The following TMEM216 variants were observed in gnomAD, a reference collection of about 807,000 sequenced individuals.
TMEM216 encodes the protein transmembrane protein 216.
TMEM216 carries 15 observed loss-of-function variants against 17.8 expected under a neutral mutation model. The observed-to-expected ratio is 0.84, with a 90% CI of 0.56 to 1.30. The LOEUF is 1.30. Among genes scored for constraint, TMEM216 ranks in the 50% most tolerant of loss-of-function variants. The probability of loss-of-function intolerance (pLI) is 0.00; values close to 1 mark genes in which losing one functional copy is unlikely to be tolerated. For synonymous variants in TMEM216, 58 were observed against 73.5 expected (o/e 0.79, Z 1.08); for missense variants, 160 against 175.7 (o/e 0.91, Z 0.51).
chr11:61,393,090 T>G, intron 1 of TMEM216, 141 bp from the exon 2 acceptor site: 3 of 431,522 alleles, frequency 7.0e-6, no homozygotes, highest in Non-Finnish European at 3.7e-6. Flanking sequence ...CGCCCCCTCA[T>G]TATCAGCAAC....
Position 61,398,279 on chromosome 11 carries a change from T to A in TMEM216, c.*3T>A, listed in dbSNP as rs749369337. 1.9e-6 allele frequency: 3 copies of A among 1,611,804 alleles called. No individual in the cohort carries two copies. Among genetic ancestry groups the A allele is most frequent in the Non-Finnish European group, 2.5e-6 (3 of 1,178,668 alleles). On this transcript the variant is annotated 3_prime_UTR_variant, in exon 5 of 5. Transcript: ENST00000515837. The stretch of plus-strand genomic sequence containing the variant: ...GCCATCGTATGGACAGGATTTGAAG[T>A]ACAGAATTTCAGCCAGCAGCCCATC...
chr11:61,396,665 G>A (rs1858804850), intron 3 of TMEM216, among the ~76,000 whole-genome samples: 1 of 151,556 alleles, frequency 6.6e-6, no homozygotes, highest in African/African-American at 2.4e-5. Context: ...ATGGTGGCGG[G>A]CACCTGTAAT....
intron 1 of TMEM216, 93 bp from the exon 2 acceptor site, chr11:61,393,138 G>T: frequency 1.0e-6 from 1 of 962,928 alleles, no homozygotes; most frequent in South Asian, 1.8e-5. Context: ...ATTAGTTGCA[G>T]CGTCTAGTTT....
intron 4 of TMEM216, 38 bp from the exon 5 acceptor site, chr11:61,398,232 T>C (rs1318801997): frequency 6.3e-7 from 1 of 1,580,982 alleles, no homozygotes; most frequent in Non-Finnish European, 8.6e-7. Flanking sequence ...TTCACTGGTC[T>C]TTTAACATTT....
At chr11:61,397,655 C>T (rs1858827556) in intron 3 of TMEM216, 119 bp from the exon 4 acceptor site, 3 of 840,456 alleles carry the variant, frequency 3.6e-6, no homozygotes, top group Non-Finnish European at 5.7e-6. Context: ...TATAAATCTG[C>T]ACACCCCCAC....
intron 1 of TMEM216, 52 bp from the exon 2 acceptor site, chr11:61,393,179 A>C (rs1326458241): frequency 7.2e-7 from 1 of 1,382,512 alleles, no homozygotes; most frequent in Non-Finnish European, 9.9e-7. Context: ...CCATACGAGC[A>C]GAGAGGGAGC....
chr11:61,394,532 C>G (rs931448886), intron 3 of TMEM216, among the ~76,000 whole-genome samples: 3 of 151,356 alleles, frequency 2.0e-5, no homozygotes, highest in Non-Finnish European at 4.4e-5. Context: ...CTGCTCCCAG[C>G]TAATTTTTGT....
intron 3 of TMEM216, among the ~76,000 whole-genome samples, chr11:61,395,441 A>T (rs1858775993): frequency 6.6e-6 from 1 of 152,170 alleles, no homozygotes; most frequent in Admixed American, 6.5e-5. Context: ...GGAAAAAACA[A>T]AATAACTTTA....
intron 3 of TMEM216, among the ~76,000 whole-genome samples, chr11:61,396,691 G>A (rs1858805506): frequency 6.6e-6 from 1 of 151,986 alleles, no homozygotes; most frequent in Admixed American, 6.6e-5. Context: ...CTACTTGGGA[G>A]GCTGAGGCAG....
In TMEM216 at chr11:61,397,949, G is replaced by A. The variant is rs748486939; in HGVS notation, c.405G>A (p.Glu135=). ...TCTGTGGCTCAGAGCTTTTACTTGA[G>A]GTGCTCACCTTGGCTGCTTTCTCCA... The part of the protein sequence containing the change: ...LFFCGSELLL[E]VLTLAAFSRI The change falls in exon 4 of 5, where the codon GAG becomes GAA. Residue 135 remains glutamate (E), a synonymous_variant. Transcript: ENST00000515837. 36 of 1,613,844 alleles carry A rather than the reference G, an allele frequency of 2.2e-5. 1 individual carries two copies. In the East Asian group the frequency reaches 7.4e-4, roughly 33 times the overall value.
intron 3 of TMEM216, 148 bp downstream of exon 3, chr11:61,394,124 T>A (rs1858744418): frequency 1.4e-6 from 1 of 695,140 alleles, no homozygotes; most frequent in African/African-American, 1.8e-5. Context: ...TTCAAGTTGC[T>A]GCTTCATACA....
At chr11:61,393,356 G>A in intron 2 of TMEM216, 24 bp downstream of exon 2, 4 of 1,464,016 alleles carry the variant, frequency 2.7e-6, no homozygotes, top group Middle Eastern at 1.7e-4. Context: ...GGGGCTTGAC[G>A]ACAGCATCCC....
chr11:61,392,680 G>T lies in TMEM216; in HGVS notation c.34+15G>T, dbSNP rs1446686549. 6.5e-7 allele frequency: 1 copy of T among 1,536,058 alleles called. No homozygotes were observed. ...GGCGCCGCGAGGTGAGATTCCGGAG[G>T]TGTGTGAGTCGCTGGTCCCTTTCCC... is the stretch of plus-strand genomic sequence containing the variant. On this transcript the variant is annotated intron_variant, in intron 1 of 4. Coordinates refer to ENST00000515837, the MANE Select transcript of TMEM216 (RefSeq NM_001173990.3).
At chr11:61,394,105 C>A in intron 3 of TMEM216, 129 bp downstream of exon 3, 1 of 818,078 alleles carries the variant, frequency 1.2e-6, no homozygotes, top group Non-Finnish European at 2.0e-6. Flanking sequence ...ATTACTCCGT[C>A]TCTGAAGTTT....
In TMEM216 at chr11:61,392,627, A is replaced by T; in HGVS notation, c.-5A>T. The T allele has an allele frequency of 6.6e-7, 1 of 1,512,032 alleles. No homozygotes were observed. The allele number at this position is 1,512,032 out of a possible 1,614,324, so 93.7% of individuals were successfully genotyped here. On this transcript the variant is annotated 5_prime_UTR_variant, in exon 1 of 5. Coordinates refer to ENST00000515837, the MANE Select transcript of TMEM216 (RefSeq NM_001173990.3). Reference sequence around the variant, plus strand: ...GCGCTGCTCCGGGAGCCGCTGTGGCAGCGTATGCTGCCACGGGGACTGAAG... The same window carrying T: ...GCGCTGCTCCGGGAGCCGCTGTGGCTGCGTATGCTGCCACGGGGACTGAAG...
intron 3 of TMEM216, among the ~76,000 whole-genome samples, chr11:61,397,445 G>A (rs1158921401): frequency 6.6e-6 from 1 of 152,056 alleles, no homozygotes; most frequent in Non-Finnish European, 1.5e-5. Flanking sequence ...GGGATTACAG[G>A]TGTGAGCCAC....
intron 3 of TMEM216, among the ~76,000 whole-genome samples, chr11:61,396,534 T>C (rs966007331): frequency 1.3e-5 from 2 of 152,042 alleles, no homozygotes; most frequent in African/African-American, 4.8e-5. Context: ...GGCTCACGCC[T>C]GTAATCTTAG....
In TMEM216 at chr11:61,398,416, G is replaced by A; in HGVS notation, c.*140G>A. 2 of 888,914 alleles carry A rather than the reference G, an allele frequency of 2.2e-6. No individual in the cohort carries two copies. Among genetic ancestry groups the A allele is most frequent in the East Asian group, 2.6e-5 (1 of 37,982 alleles). The allele number at this position is 888,914 out of a possible 1,614,324, so 55.1% of individuals were successfully genotyped here. A position where few individuals can be genotyped will look rare whatever the true frequency, so the allele number is the denominator to read the frequency against. ...GCTTTTCTTCAGCACAGACATTTGG[G>A]CAAGCAACTCAGCATAAGGCCAGTG... On this transcript the variant is annotated 3_prime_UTR_variant, in exon 5 of 5. Transcript: ENST00000515837.
At chr11:61,395,170 C>T (rs1858771764) in intron 3 of TMEM216, among the ~76,000 whole-genome samples, 1 of 151,980 alleles carries the variant, frequency 6.6e-6, no homozygotes, top group Non-Finnish European at 1.5e-5. Flanking sequence ...GAGACAGTGT[C>T]TTGCCTTGTT....
Sources: gnomAD v4.1 joint callset for allele counts (sites outside exome capture counted in the v4.1 genomes callset) on GRCh38, gnomAD v4.1.1 for gene constraint, MANE v1.5 for transcripts, NCBI Gene and HGNC (gene_info 2026-07-23, HGNC 2026-07-21) for gene names.